NAA60: variants seen among roughly 807,000 people sequenced by gnomAD.
NAA60 encodes the protein N-alpha-acetyltransferase 60.
A neutral mutation model predicts 26.1 loss-of-function variants in NAA60; 8 were observed. The observed-to-expected ratio is 0.31, with a 90% CI of 0.18 to 0.55. The LOEUF (loss-of-function observed/expected upper bound fraction) is 0.55, where lower values mean the gene tolerates loss of function less well. Among genes scored for constraint, NAA60 ranks in the 20% least tolerant of loss-of-function variants. The pLI, the probability that NAA60 is intolerant of heterozygous loss-of-function variation, is 0.93. For synonymous variants in NAA60, 131 were observed against 122.5 expected (o/e 1.07, Z -0.46); for missense variants, 290 against 311.3 (o/e 0.93, Z 0.51).
intron 2 of NAA60, among the ~76,000 whole-genome samples, chr16:3,454,318 A>G (rs910156504): frequency 6.6e-6 from 1 of 152,178 alleles, no homozygotes; most frequent in Admixed American, 6.5e-5. Flanking sequence ...CACCACTGGG[A>G]GTGCCGTTAG....
At chr16:3,471,260 G>T (rs376275591) in intron 2 of NAA60, among the ~76,000 whole-genome samples, 1 of 152,264 alleles carries the variant, frequency 6.6e-6, no homozygotes, top group African/African-American at 2.4e-5. Context: ...CCAGCGCTTT[G>T]GGAGGGCAAG....
At chr16:3,480,609 A>G (rs532700359) in intron 4 of NAA60, among the ~76,000 whole-genome samples, 34 of 145,766 alleles carry the variant, frequency 2.3e-4, no homozygotes, top group African/African-American at 7.7e-4. Context: ...AAAAAAAAAA[A>G]AAGAAGAAGA....
At chr16:3,456,659 T>A (rs2035010335) in intron 2 of NAA60, 1 of 152,202 alleles carries the variant, frequency 6.6e-6, no homozygotes, top group South Asian at 2.1e-4. Context: ...AAAGCCTAGC[T>A]TGACAGTGAT....
intron 2 of NAA60, chr16:3,467,956 C>G (rs1399894705): frequency 6.6e-6 from 1 of 152,210 alleles, no homozygotes; most frequent in Non-Finnish European, 1.5e-5. Context: ...GGAGCAGGCC[C>G]TGGTTACAGA....
intron 1 of NAA60, among the ~76,000 whole-genome samples, chr16:3,444,852 T>C (rs1207958138): frequency 6.6e-6 from 1 of 152,154 alleles, no homozygotes; most frequent in African/African-American, 2.4e-5. Context: ...CAAGAATAAA[T>C]AATTGTTTGG....
At chr16:3,476,927 G>A (rs908260255) in intron 3 of NAA60, among the ~76,000 whole-genome samples, 1 of 152,104 alleles carries the variant, frequency 6.6e-6, no homozygotes, top group Admixed American at 6.6e-5. Context: ...TGTAATCCTA[G>A]CTACTTGGGA....
rs906725280 is a variant in NAA60, at chr16:3,453,448, G to A, written c.-7+4908G>A. ...TTTTTTGAGACAGAGTTTCGCTCTC[G>A]TCCAGGCTGGAGTGCAATGGCATGA... On this transcript the variant is annotated intron_variant, in intron 2 of 7. Transcript: ENST00000407558. Among the ~76,000 whole-genome samples the A allele has an allele frequency of 1.7e-4, 26 of 151,844 alleles. 1 individual carries two copies. The highest frequency in any genetic ancestry group is 1.9e-4 in the East Asian group (1 of 5,182).
chr16:3,452,081 C>T (rs930874716), intron 2 of NAA60, among the ~76,000 whole-genome samples: 2 of 150,638 alleles, frequency 1.3e-5, no homozygotes, highest in African/African-American at 2.5e-5. Context: ...GGTATGGTGG[C>T]GCATGCCTGT....
intron 2 of NAA60, among the ~76,000 whole-genome samples, chr16:3,471,458 G>A (rs1056436911): frequency 6.6e-6 from 1 of 152,090 alleles, no homozygotes; most frequent in African/African-American, 2.4e-5. Flanking sequence ...AACCGAGATC[G>A]CGCCAGTGCA....
rs12923869 is a variant in NAA60, at chr16:3,443,730, C to A, written c.-184C>A. 8 of 1,482,904 alleles carry A rather than the reference C, an allele frequency of 5.4e-6. No individual in the cohort carries two copies. In the East Asian group the frequency reaches 2.1e-4, roughly 38 times the overall value. 91.9% of individuals were successfully genotyped at this position (1,482,904 alleles called of 1,614,324 possible). On this transcript the variant is annotated 5_prime_UTR_variant, in exon 1 of 8. In the 5' UTR this introduces an upstream ATG that the reference lacks. Transcript: ENST00000407558. ...CGTGAGCTCCGGGCCTGTTTGCCTG[C>A]TGAAGTAGAGTCTTAGGGTGACCCC...
chr16:3,475,890 C>T (rs560910943), intron 2 of NAA60, among the ~76,000 whole-genome samples: 11 of 152,356 alleles, frequency 7.2e-5, no homozygotes, highest in African/African-American at 2.4e-4. Flanking sequence ...CGTTGACCCT[C>T]GGAAGGACCA....
rs888644635 is a variant in NAA60 at position 3,483,498 on chromosome 16, A to G, written c.473A>G (p.His158Arg). The G allele has an allele frequency of 1.2e-6, 2 of 1,613,952 alleles. No individual in the cohort carries two copies. Among genetic ancestry groups the G allele is most frequent in the African/African-American group, 1.3e-5 (1 of 75,058 alleles). ...NFYENRDFKQ[H>R]HYLPYYYSIR... ...TATGAAAACAGAGACTTCAAGCAGC[A>G]CCACTATCTCCCCTATTACTACTCC... Residue 158 changes from histidine (H) to arginine (R), a missense_variant, in exon 6 of 8, where the codon CAC becomes CGC. By Grantham distance (29) the His-to-Arg change is conservative (BLOSUM62 0). Transcript: ENST00000407558.
chr16:3,457,386 T>C (rs969021544), intron 2 of NAA60, among the ~76,000 whole-genome samples: 2 of 151,900 alleles, frequency 1.3e-5, no homozygotes, highest in African/African-American at 4.8e-5. Flanking sequence ...AGGCCAGGAG[T>C]TGGAGGCTGC....
At chr16:3,444,572 T>A (rs1029828624) in intron 1 of NAA60, among the ~76,000 whole-genome samples, 2 of 152,222 alleles carry the variant, frequency 1.3e-5, no homozygotes, top group Non-Finnish European at 2.9e-5. Flanking sequence ...GCTGCATGGT[T>A]ATTAAAACAA....
chr16:3,482,948 T>G (rs911970237), intron 5 of NAA60: 6 of 479,198 alleles, frequency 1.3e-5, no homozygotes, highest in Admixed American at 7.1e-5. Flanking sequence ...GTAGAAAGCG[T>G]GAACACGCAC....
At chr16:3,469,994 CT>C (rs2036024472) in intron 2 of NAA60, among the ~76,000 whole-genome samples, 2 of 152,208 alleles carry the variant, frequency 1.3e-5, no homozygotes, top group Admixed American at 1.3e-4. Context: ...TGCGCCGGGC[CT>C]GCTGGGGCTG....
intron 2 of NAA60, among the ~76,000 whole-genome samples, chr16:3,470,884 TCTC>T (rs1371485787): frequency 6.6e-6 from 1 of 152,226 alleles, no homozygotes; most frequent in Non-Finnish European, 1.5e-5. Flanking sequence ...TCCTGCCTCT[TCTC>T]TGCCCCTCAG....
intron 2 of NAA60, among the ~76,000 whole-genome samples, chr16:3,456,103 G>GTCTCAAAACA (rs1212204526): frequency 1.1e-4 from 16 of 152,200 alleles, no homozygotes; most frequent in African/African-American, 3.9e-4. Context: ...GCCGGGCACG[G>GTCTCAAAACA]TCTCAAAACA....
intron 2 of NAA60, among the ~76,000 whole-genome samples, chr16:3,470,711 T>C (rs564695653): frequency 4.6e-5 from 7 of 152,358 alleles, no homozygotes; most frequent in African/African-American, 1.7e-4. Flanking sequence ...CATCTCCGAC[T>C]TGATCAGCAT....
Sources: allele counts gnomAD v4.1 joint callset (sites outside exome capture counted in the v4.1 genomes callset), GRCh38; gene constraint gnomAD v4.1.1; transcripts MANE v1.5; gene names NCBI Gene and HGNC (gene_info 2026-07-23, HGNC 2026-07-21).